Variants in PPP2R2B observed in about 807,000 individuals in gnomAD.
PPP2R2B encodes the protein serine/threonine-protein phosphatase 2A 55 kDa regulatory subunit B beta isoform.
Under a neutral mutation model 46.0 loss-of-function variants are expected in PPP2R2B, and 5 were observed. The ratio of observed to expected loss-of-function variants is 0.11; its 90% confidence interval spans 0.06 to 0.23. The LOEUF (loss-of-function observed/expected upper bound fraction) is 0.23. Among genes scored for constraint, PPP2R2B ranks in the 10% least tolerant of loss-of-function variants. The probability of loss-of-function intolerance (pLI) is 1.00; values close to 1 mark genes in which losing one functional copy is unlikely to be tolerated. For synonymous variants in PPP2R2B, 215 were observed against 206.7 expected (o/e 1.04, Z -0.34); for missense variants, 367 against 575.0 (o/e 0.64, Z 3.70).
At chr5:146,768,971 A>C (rs1487045187) in intron 2 of PPP2R2B, among the ~76,000 whole-genome samples, 1 of 150,798 alleles carries the variant, frequency 6.6e-6, no homozygotes, top group Non-Finnish European at 1.5e-5. Flanking sequence ...TCTGCTTCTC[A>C]GGTTCAAGTG....
intron 1 of PPP2R2B, among the ~76,000 whole-genome samples, chr5:147,015,933 T>C (rs893146075): frequency 6.6e-6 from 1 of 151,526 alleles, no homozygotes; most frequent in African/African-American, 2.4e-5. Flanking sequence ...TATTATTTCC[T>C]GTTACATTGT....
chr5:146,748,054 G>C (rs1753300694), intron 2 of PPP2R2B, among the ~76,000 whole-genome samples: 1 of 152,248 alleles, frequency 6.6e-6, no homozygotes, highest in African/African-American at 2.4e-5. Context: ...CTGAGCTCTT[G>C]GCCAAACATA....
intron 2 of PPP2R2B, among the ~76,000 whole-genome samples, chr5:146,846,985 T>A (rs933532092): frequency 6.6e-6 from 1 of 152,244 alleles, no homozygotes; most frequent in East Asian, 1.9e-4. Flanking sequence ...TCAAGTATCA[T>A]AAACTATAAT....
intron 4 of PPP2R2B, 52 bp from the exon 5 acceptor site, chr5:146,691,292 A>G (rs768867351): frequency 2.6e-6 from 4 of 1,521,576 alleles, no homozygotes; most frequent in Non-Finnish European, 3.6e-6. Context: ...GCAAGCTCAT[A>G]AGGGAGTTTT....
intron 1 of PPP2R2B, among the ~76,000 whole-genome samples, chr5:147,044,459 A>G (rs1480156): frequency 0.97 from 148,025 of 152,286 alleles, 71,949 homozygotes; most frequent in East Asian, 1. Context: ...GTGTGCTACA[A>G]GACTGGGGCA....
chr5:146,641,727 C>A (rs555129906), intron 6 of PPP2R2B, among the ~76,000 whole-genome samples: 1 of 152,008 alleles, frequency 6.6e-6, no homozygotes, highest in Admixed American at 6.5e-5. Flanking sequence ...CTCTAAAGGG[C>A]GATCCATGTT....
chr5:147,067,721 CA>C (rs1252611565), intron 2 of PPP2R2B, among the ~76,000 whole-genome samples: 2 of 152,156 alleles, frequency 1.3e-5, no homozygotes, highest in Non-Finnish European at 2.9e-5. Flanking sequence ...CAGTTTCCTT[CA>C]AAGGAAATTC....
intron 1 of PPP2R2B, among the ~76,000 whole-genome samples, chr5:146,900,176 T>G (rs1762778893): frequency 6.6e-6 from 1 of 152,190 alleles, no homozygotes; most frequent in South Asian, 2.1e-4. Context: ...AAGGAAGTAT[T>G]ATTTTTGCCA....
intron 1 of PPP2R2B, among the ~76,000 whole-genome samples, chr5:147,051,588 G>A (rs1204361868): frequency 6.6e-6 from 1 of 151,986 alleles, no homozygotes; most frequent in Non-Finnish European, 1.5e-5. Flanking sequence ...AGAAGCACGT[G>A]GCAAGTCACA....
chr5:146,716,048 T>C (rs571163358), intron 2 of PPP2R2B, among the ~76,000 whole-genome samples: 1 of 152,288 alleles, frequency 6.6e-6, no homozygotes, highest in Admixed American at 6.5e-5. Flanking sequence ...CCTGTTGACA[T>C]CTCATTCTTT....
At chr5:146,652,498 C>T (rs955892810) in intron 5 of PPP2R2B, among the ~76,000 whole-genome samples, 2 of 151,740 alleles carry the variant, frequency 1.3e-5, no homozygotes, top group Non-Finnish European at 3.0e-5. Context: ...AGAGGATATA[C>T]TGCCAAGAGG....
At position 146,850,357 on chromosome 5, in the gene PPP2R2B, C is replaced by T. The variant is rs1760269194; in HGVS notation, c.70+27645G>A. Among the ~76,000 whole-genome samples the T allele has an allele frequency of 6.6e-5, 10 of 152,282 alleles. 2 individuals are homozygous for T. The South Asian group carries it at 1.9e-3, about 28-fold the overall frequency. ...TTTGAAAAGCAAACTTGGTCACTTT[C>T]CCCAATCTTCCCTACATTTAAGCAT... On this transcript the variant is annotated intron_variant, in intron 2 of 9. Coordinates refer to ENST00000394411, the MANE Select transcript of PPP2R2B (RefSeq NM_181675.4).
intron 5 of PPP2R2B, among the ~76,000 whole-genome samples, chr5:146,663,892 G>C (rs1269317726): frequency 6.6e-6 from 1 of 151,964 alleles, no homozygotes; most frequent in Non-Finnish European, 1.5e-5. Flanking sequence ...ATCCAGGATG[G>C]AGTATAGTGG....
chr5:146,729,421 T>TG (rs1205714857), intron 2 of PPP2R2B, among the ~76,000 whole-genome samples: 1 of 152,198 alleles, frequency 6.6e-6, no homozygotes, highest in African/African-American at 2.4e-5. Flanking sequence ...ACCCATTTTC[T>TG]GGGGAGAAAT....
At chr5:146,864,115 A>G (rs1470634373) in intron 2 of PPP2R2B, among the ~76,000 whole-genome samples, 2 of 152,248 alleles carry the variant, frequency 1.3e-5, no homozygotes, top group African/African-American at 4.8e-5. Context: ...GACACGGTTT[A>G]GAGTCATGCC....
At chr5:146,705,806 C>G (rs1032565714) in intron 2 of PPP2R2B, among the ~76,000 whole-genome samples, 2 of 151,962 alleles carry the variant, frequency 1.3e-5, no homozygotes, top group South Asian at 4.2e-4. Context: ...TGGGATTATG[C>G]CAAGATGACC....
chr5:146,942,884 A>C (rs1764365644), intron 1 of PPP2R2B, among the ~76,000 whole-genome samples: 1 of 150,750 alleles, frequency 6.6e-6, no homozygotes, highest in Non-Finnish European at 1.5e-5. Flanking sequence ...TGCAAGCTCC[A>C]CCTCCCAGGT....
intron 2 of PPP2R2B, among the ~76,000 whole-genome samples, chr5:146,745,160 C>CAGACAGAG (rs1753100699): frequency 3.2e-5 from 3 of 94,950 alleles, no homozygotes; most frequent in East Asian, 3.5e-4. Flanking sequence ...CAGAGAAAGA[C>CAGACAGAG]AGAGAGAGAG....
chr5:146,849,767 T>C (rs778183629), intron 2 of PPP2R2B, among the ~76,000 whole-genome samples: 1 of 152,200 alleles, frequency 6.6e-6, no homozygotes, highest in Non-Finnish European at 1.5e-5. Context: ...TAAAATGGTT[T>C]GTTTCTCCAC....
Sources: allele counts gnomAD v4.1 joint callset (sites outside exome capture counted in the v4.1 genomes callset), GRCh38; gene constraint gnomAD v4.1.1; transcripts MANE v1.5; gene names NCBI Gene and HGNC (gene_info 2026-07-23, HGNC 2026-07-21).